Variants in PCDH11X observed in about 807,000 individuals in gnomAD.
The protein encoded by PCDH11X is protocadherin 11 X-linked.
A neutral mutation model predicts 53.3 loss-of-function variants in PCDH11X; 18 were observed. The observed-to-expected ratio is 0.34, with a 90% CI of 0.23 to 0.50. The LOEUF is 0.50. Among genes scored for constraint, PCDH11X ranks in the 20% least tolerant of loss-of-function variants. PCDH11X has a pLI of 0.98. For synonymous variants in PCDH11X, 279 were observed against 393.3 expected (o/e 0.71, Z 3.44); for missense variants, 570 against 1,032.4 (o/e 0.55, Z 6.14).
chrX:92,319,018 A>G lies in PCDH11X; in HGVS notation c.3144+55875A>G, dbSNP rs760702518. The stretch of plus-strand genomic sequence containing the variant: ...TATTGTTACTTTATTCAAATAATGT[A>G]AATTCTCTCTAAAAATAGTCCAATT... On this transcript the variant is annotated intron_variant, in intron 8 of 10. Coordinates refer to ENST00000682573, the MANE Select transcript of PCDH11X (RefSeq NM_032968.5). Among the ~76,000 whole-genome samples the G allele has an allele frequency of 6.2e-5, 7 of 112,505 alleles. No individual in the cohort carries two copies. The Admixed American group carries it at 6.6e-4, about 11-fold the overall frequency.
intron 6 of PCDH11X, among the ~76,000 whole-genome samples, chrX:91,905,578 A>G (rs1449199781): frequency 2.7e-5 from 3 of 111,519 alleles, no homozygotes; most frequent in Non-Finnish European, 5.7e-5. Context: ...AATTTTATAG[A>G]GAAATTCAGT....
intron 6 of PCDH11X, among the ~76,000 whole-genome samples, chrX:92,014,021 A>G (rs778692906): frequency 4.1e-4 from 46 of 112,104 alleles, no homozygotes; most frequent in African/African-American, 1.4e-3. Context: ...ACAAAAGCCA[A>G]AATTGACATA....
At chrX:92,224,721 T>C (rs1157569141) in intron 7 of PCDH11X, among the ~76,000 whole-genome samples, 1 of 112,453 alleles carries the variant, frequency 8.9e-6, no homozygotes, top group Non-Finnish European at 1.9e-5. Flanking sequence ...AATTCTCGAA[T>C]GATTCATTGC....
At chrX:92,222,524 C>G (rs1371086849) in intron 7 of PCDH11X, among the ~76,000 whole-genome samples, 1 of 111,480 alleles carries the variant, frequency 9.0e-6, no homozygotes, top group Non-Finnish European at 1.9e-5. Context: ...TGGCTCTTTT[C>G]TATGATGTAG....
chrX:92,460,366 G>A, intron 9 of PCDH11X: 1 of 950,376 alleles, frequency 1.1e-6, no homozygotes, highest in East Asian at 3.1e-5. Flanking sequence ...GTTGACCGTG[G>A]AGGTAGATGC....
intron 6 of PCDH11X, among the ~76,000 whole-genome samples, chrX:92,107,902 G>A (rs1279812458): frequency 8.9e-6 from 1 of 111,762 alleles, no homozygotes; most frequent in Admixed American, 9.5e-5. Context: ...TCGACAATAT[G>A]CCAATATGTA....
chrX:92,220,806 C>T (rs1487778566), intron 7 of PCDH11X, among the ~76,000 whole-genome samples: 1 of 104,988 alleles, frequency 9.5e-6, no homozygotes, highest in Non-Finnish European at 2.0e-5. Context: ...ACCCAAATGT[C>T]CAACAATGAT....
At chrX:92,113,070 A>G (rs1305662760) in intron 6 of PCDH11X, among the ~76,000 whole-genome samples, 2 of 107,383 alleles carry the variant, frequency 1.9e-5, no homozygotes. Context: ...TACTTTAACC[A>G]TAATACCTAC....
At chrX:92,176,941 A>G (rs1005684876) in intron 6 of PCDH11X, among the ~76,000 whole-genome samples, 3 of 110,049 alleles carry the variant, frequency 2.7e-5, no homozygotes, top group African/African-American at 9.9e-5. Flanking sequence ...TTTAAGCATT[A>G]AAGTACAACG....
chrX:92,419,989 C>G (rs866164150), intron 9 of PCDH11X, among the ~76,000 whole-genome samples: 1 of 111,154 alleles, frequency 9.0e-6, no homozygotes, highest in Non-Finnish European at 1.9e-5. Context: ...CTCTCTCTCC[C>G]CCTTTTCTTT....
intron 6 of PCDH11X, among the ~76,000 whole-genome samples, chrX:92,130,230 A>G (rs1201872124): frequency 3.6e-5 from 4 of 111,071 alleles, no homozygotes; most frequent in Non-Finnish European, 7.5e-5. Context: ...CATTTCACTT[A>G]TTTACTCCTA....
chrX:92,241,689 C>A (rs766537593), intron 7 of PCDH11X, among the ~76,000 whole-genome samples: 78 of 111,822 alleles, frequency 7.0e-4, no homozygotes, highest in Non-Finnish European at 1.1e-3. Context: ...ATATATTATG[C>A]CTCAGACATG....
chrX:91,780,741 C>G (rs1334803445), intron 1 of PCDH11X, among the ~76,000 whole-genome samples: 2 of 112,624 alleles, frequency 1.8e-5, no homozygotes, highest in African/African-American at 6.5e-5. Context: ...AGCGAGCAGC[C>G]GCAAACGGGT....
intron 6 of PCDH11X, among the ~76,000 whole-genome samples, chrX:92,063,636 C>T (rs935253727): frequency 8.9e-6 from 1 of 112,088 alleles, no homozygotes; most frequent in Non-Finnish European, 1.9e-5. Context: ...CTCTGGTTTT[C>T]GAGTTGCCAT....
chrX:92,266,761 T>G (rs1347076016), intron 8 of PCDH11X, among the ~76,000 whole-genome samples: 2 of 108,576 alleles, frequency 1.8e-5, no homozygotes, highest in African/African-American at 3.4e-5. Context: ...TTTTTTTATG[T>G]GGAGACAAAG....
At chrX:92,163,767 G>A (rs1280657141) in intron 6 of PCDH11X, among the ~76,000 whole-genome samples, 1 of 110,986 alleles carries the variant, frequency 9.0e-6, no homozygotes, top group African/African-American at 3.3e-5. Flanking sequence ...GTATATTTCT[G>A]TAGGAGTTCC....
intron 6 of PCDH11X, among the ~76,000 whole-genome samples, chrX:91,977,080 A>G (rs2062056220): frequency 9.0e-6 from 1 of 111,339 alleles, no homozygotes; most frequent in Admixed American, 9.6e-5. Context: ...AAGTCTAAGT[A>G]GACACCATGT....
In PCDH11X at chrX:92,602,912, AAACT is replaced by A. The variant is rs759231911; in HGVS notation, c.3368-15347_3368-15344del. 5.1e-4 allele frequency among the ~76,000 whole-genome samples: 43 copies of A among 84,250 alleles called. 10 individuals carry two copies. The highest frequency in any genetic ancestry group is 2.6e-3 in the African/African-American group (37 of 14,160). 73.2% of individuals were successfully genotyped at this position (84,250 alleles called of 115,157 possible). A position where few individuals can be genotyped will look rare whatever the true frequency, so the allele number is the denominator to read the frequency against. The stretch of plus-strand genomic sequence containing the variant: ...TCTACATGAAAAAAGCAAGCAACAA[AAACT>A]AACTGTGAGAGGGCTCTGTTGTCAG... On this transcript the variant is annotated intron_variant, in intron 10 of 10. Transcript: ENST00000682573.
chrX:92,372,090 A>G (rs1293915571), intron 8 of PCDH11X, among the ~76,000 whole-genome samples: 1 of 111,106 alleles, frequency 9.0e-6, no homozygotes, highest in Non-Finnish European at 1.9e-5. Flanking sequence ...AAAAGAAATT[A>G]AAGCCAGAAT....
Sources: gnomAD v4.1 joint callset for allele counts (sites outside exome capture counted in the v4.1 genomes callset) on GRCh38, gnomAD v4.1.1 for gene constraint, MANE v1.5 for transcripts, NCBI Gene and HGNC (gene_info 2026-07-23, HGNC 2026-07-21) for gene names.